Variants in SPATA16 observed in about 807,000 individuals in gnomAD.
SPATA16 encodes spermatogenesis associated 16.
Under a neutral mutation model 63.3 loss-of-function variants are expected in SPATA16, and 36 were observed. That is an observed-to-expected ratio of 0.57 (90% CI 0.44 to 0.75). SPATA16 has a LOEUF of 0.75. SPATA16 is among the 30% of genes least tolerant of loss of function. The pLI is 0.00. For missense variants in SPATA16, 646 were observed against 679.3 expected (o/e 0.95, Z 0.54); for synonymous variants, 203 against 216.7 (o/e 0.94, Z 0.56).
intron 4 of SPATA16, among the ~76,000 whole-genome samples, chr3:172,988,501 C>A (rs1489817153): frequency 6.6e-6 from 1 of 152,182 alleles, no homozygotes; most frequent in Non-Finnish European, 1.5e-5. Context: ...TTACTTTGGC[C>A]ACCCAAATAC....
chr3:173,078,516 TTGA>T (rs1448925744), intron 2 of SPATA16, among the ~76,000 whole-genome samples: 1 of 152,230 alleles, frequency 6.6e-6, no homozygotes, highest in African/African-American at 2.4e-5. Context: ...TGAACATGCA[TTGA>T]TTTTGATTTT....
intron 6 of SPATA16, among the ~76,000 whole-genome samples, chr3:172,925,971 G>C (rs752214705): frequency 6.6e-6 from 1 of 151,804 alleles, no homozygotes; most frequent in Non-Finnish European, 1.5e-5. Context: ...GATTACAGGC[G>C]CCCGCCACCG....
intron 2 of SPATA16, among the ~76,000 whole-genome samples, chr3:173,069,956 C>T (rs1270174185): frequency 5.6e-5 from 7 of 124,708 alleles, no homozygotes; most frequent in South Asian, 5.5e-4. Flanking sequence ...GATAAAAAGA[C>T]GAAAAAAAAA....
intron 2 of SPATA16, among the ~76,000 whole-genome samples, chr3:173,094,697 G>GCTTT (rs1737308716): frequency 1.0e-5 from 1 of 96,956 alleles, no homozygotes; most frequent in South Asian, 3.9e-4. Context: ...TTTTTTTTTG[G>GCTTT]CTTTTACTGT....
intron 2 of SPATA16, among the ~76,000 whole-genome samples, chr3:173,085,220 G>T (rs1278437463): frequency 6.6e-6 from 1 of 151,988 alleles, no homozygotes; most frequent in Non-Finnish European, 1.5e-5. Flanking sequence ...CCTTGAAGAG[G>T]TCCTTCTCTT....
intron 4 of SPATA16, among the ~76,000 whole-genome samples, chr3:173,010,620 C>T (rs553349691): frequency 2.6e-5 from 4 of 152,270 alleles, no homozygotes; most frequent in African/African-American, 9.6e-5. Context: ...CCGCAACTGC[C>T]CTGCAGACAG....
chr3:172,912,361 C>A (rs1480376107), intron 10 of SPATA16, among the ~76,000 whole-genome samples: 1 of 152,170 alleles, frequency 6.6e-6, no homozygotes, highest in Non-Finnish European at 1.5e-5. Context: ...CTGTGCCTGT[C>A]TTGCTGAGCA....
chr3:172,970,181 C>T (rs1399424868), intron 5 of SPATA16, among the ~76,000 whole-genome samples: 1 of 152,100 alleles, frequency 6.6e-6, no homozygotes, highest in Admixed American at 6.6e-5. Flanking sequence ...GAATCTCAGG[C>T]CCAACCTTTT....
At chr3:173,130,046 A>T (rs2108346828) in intron 1 of SPATA16, among the ~76,000 whole-genome samples, 2 of 152,292 alleles carry the variant, frequency 1.3e-5, no homozygotes, top group Middle Eastern at 6.8e-3. Context: ...AGTAGAATGG[A>T]GACAGGTAAA....
chr3:172,970,560 G>T (rs1401981576), intron 5 of SPATA16, among the ~76,000 whole-genome samples: 1 of 152,080 alleles, frequency 6.6e-6, no homozygotes, highest in East Asian at 1.9e-4. Flanking sequence ...AATATTTTTG[G>T]GTGAGTGTCT....
At chr3:172,979,723 C>G (rs1183957861) in intron 4 of SPATA16, among the ~76,000 whole-genome samples, 1 of 151,920 alleles carries the variant, frequency 6.6e-6, no homozygotes, top group East Asian at 1.9e-4. Flanking sequence ...CCTGGGGGCT[C>G]AAGTCTTTTT....
chr3:173,117,594 C>T lies in SPATA16; in HGVS notation c.138G>A (p.Glu46=). The change falls in exon 2 of 11, where the codon GAG becomes GAA. Residue 46 remains glutamate, a synonymous_variant. Coordinates refer to ENST00000351008, the MANE Select transcript of SPATA16 (RefSeq NM_031955.6). ...HPPNILEMSQ[E]IKKNCGGKQV... is the part of the protein sequence containing the mutation. The stretch of plus-strand genomic sequence containing the variant: ...GTTTACCTCCACAGTTTTTCTTAAT[C>T]TCTTGTGACATTTCCAGGATGTTAG... The T allele has an allele frequency of 6.2e-7, 1 of 1,613,530 alleles. No individual in the cohort carries two copies.
chr3:173,061,511 CACA>C (rs1214948652), intron 2 of SPATA16, among the ~76,000 whole-genome samples: 1 of 152,202 alleles, frequency 6.6e-6, no homozygotes, highest in Admixed American at 6.5e-5. Flanking sequence ...GAGAATTATG[CACA>C]ACAATTAGCC....
intron 2 of SPATA16, among the ~76,000 whole-genome samples, chr3:173,107,590 G>C (rs1461745663): frequency 6.6e-6 from 1 of 151,904 alleles, no homozygotes; most frequent in Admixed American, 6.6e-5. Flanking sequence ...ACATAATTTA[G>C]TAGAAGTTGA....
At chr3:173,010,467 TG>T (rs1335753678) in intron 4 of SPATA16, among the ~76,000 whole-genome samples, 16 of 151,546 alleles carry the variant, frequency 1.1e-4, no homozygotes, top group African/African-American at 3.9e-4. Flanking sequence ...TGTGTGTGTG[TG>T]TGTTTGTTTT....
At chr3:172,950,994 A>T (rs1409039409) in intron 6 of SPATA16, among the ~76,000 whole-genome samples, 1 of 152,194 alleles carries the variant, frequency 6.6e-6, no homozygotes, top group Non-Finnish European at 1.5e-5. Flanking sequence ...AAATACAACC[A>T]TGCAAGAATA....
intron 2 of SPATA16, among the ~76,000 whole-genome samples, chr3:173,091,755 A>G (rs57787792): frequency 0.029 from 4,421 of 152,256 alleles, 194 homozygotes; most frequent in African/African-American, 0.1. Flanking sequence ...TATAAAACCA[A>G]TTGATTTTCA....
At chr3:173,130,126 G>A (rs1385464657) in intron 1 of SPATA16, among the ~76,000 whole-genome samples, 2 of 152,068 alleles carry the variant, frequency 1.3e-5, no homozygotes, top group Non-Finnish European at 1.5e-5. Flanking sequence ...ACTTTGGGGG[G>A]TCGAGGCGGC....
intron 2 of SPATA16, among the ~76,000 whole-genome samples, chr3:173,077,225 A>AT (rs958600449): frequency 6.6e-6 from 1 of 151,896 alleles, no homozygotes; most frequent in South Asian, 2.1e-4. Flanking sequence ...TTTTTTCTGA[A>AT]TTTTTTTTCA....
Sources: allele counts gnomAD v4.1 joint callset (sites outside exome capture counted in the v4.1 genomes callset), GRCh38; gene constraint gnomAD v4.1.1; transcripts MANE v1.5; gene names NCBI Gene and HGNC (gene_info 2026-07-23, HGNC 2026-07-21).